Variants in DIAPH3 observed in about 807,000 individuals in gnomAD.
DIAPH3 encodes the protein diaphanous related formin 3.
DIAPH3 carries 117 observed loss-of-function variants against 144.3 expected under a neutral mutation model. That is an observed-to-expected ratio of 0.81 (90% CI 0.70 to 0.95). The LOEUF (loss-of-function observed/expected upper bound fraction) is 0.95. DIAPH3 is among the 40% of genes least tolerant of loss of function. The pLI is 0.00. For synonymous variants in DIAPH3, 519 were observed against 488.9 expected, an observed-to-expected ratio of 1.06 and a Z score of -0.81; for missense variants, 1,421 against 1,412.7, an observed-to-expected ratio of 1.01 and a Z score of -0.09.
chr13:60,024,530 A>G (rs911122365), intron 5 of DIAPH3, among the ~76,000 whole-genome samples: 1 of 151,984 alleles, frequency 6.6e-6, no homozygotes, highest in Non-Finnish European at 1.5e-5. Context: ...CTATTTGCCT[A>G]TTGTAACACT....
At chr13:59,755,694 T>A (rs777881710) in intron 27 of DIAPH3, among the ~76,000 whole-genome samples, 14 of 151,592 alleles carry the variant, frequency 9.2e-5, no homozygotes, top group Admixed American at 7.2e-4. Context: ...ACAAAGAGAG[T>A]TTCAAAAAAA....
chr13:59,938,445 C>CA (rs933186403), intron 17 of DIAPH3, among the ~76,000 whole-genome samples: 5 of 151,886 alleles, frequency 3.3e-5, no homozygotes, highest in African/African-American at 9.7e-5. Context: ...CTCATCTCCA[C>CA]AAAAAACGTA....
intron 17 of DIAPH3, among the ~76,000 whole-genome samples, chr13:59,947,652 G>A (rs1043700943): frequency 6.6e-6 from 1 of 151,774 alleles, no homozygotes; most frequent in African/African-American, 2.4e-5. Flanking sequence ...ATCATCACTT[G>A]AGCCCCGGAT....
chr13:59,991,579 T>C (rs917591912), intron 11 of DIAPH3, among the ~76,000 whole-genome samples: 4 of 151,990 alleles, frequency 2.6e-5, no homozygotes, highest in Admixed American at 2.0e-4. Context: ...ATTCTAAAGG[T>C]TGCCTGACCA....
At chr13:60,028,875 A>G (rs1402668755) in intron 5 of DIAPH3, among the ~76,000 whole-genome samples, 1 of 152,100 alleles carries the variant, frequency 6.6e-6, no homozygotes, top group African/African-American at 2.4e-5. Flanking sequence ...CCTGGCCAAC[A>G]TGGTGAAACC....
chr13:59,794,247 C>T (rs1391992683), intron 25 of DIAPH3, among the ~76,000 whole-genome samples: 1 of 152,006 alleles, frequency 6.6e-6, no homozygotes, highest in African/African-American at 2.4e-5. Flanking sequence ...GGACATAACC[C>T]CATCAAAAGT....
chr13:60,070,110 A>T (rs1161089713), intron 4 of DIAPH3, among the ~76,000 whole-genome samples: 1 of 152,144 alleles, frequency 6.6e-6, no homozygotes, highest in Non-Finnish European at 1.5e-5. Flanking sequence ...CCTATTCACG[A>T]GCATGGGATA....
chr13:59,709,821 A>G (rs1319314011), intron 27 of DIAPH3, among the ~76,000 whole-genome samples: 7 of 152,062 alleles, frequency 4.6e-5, no homozygotes, highest in South Asian at 2.1e-4. Context: ...CATTATTCAC[A>G]ATAGCAAAGA....
At chr13:60,047,283 C>T (rs1287663855) in intron 4 of DIAPH3, among the ~76,000 whole-genome samples, 1 of 151,120 alleles carries the variant, frequency 6.6e-6, no homozygotes, top group African/African-American at 2.4e-5. Flanking sequence ...AAAAAAAATC[C>T]ATAGATGCAA....
intron 1 of DIAPH3, among the ~76,000 whole-genome samples, chr13:60,137,015 A>C (rs2059302138): frequency 6.6e-6 from 1 of 152,202 alleles, no homozygotes; most frequent in South Asian, 2.1e-4. Context: ...GTGATATTAA[A>C]GAATATGAGG....
chr13:59,704,674 C>A (rs767613034), intron 27 of DIAPH3, among the ~76,000 whole-genome samples: 1 of 152,084 alleles, frequency 6.6e-6, no homozygotes, highest in Non-Finnish European at 1.5e-5. Context: ...GTGTTATAAT[C>A]GGCTACAGTA....
At chr13:59,751,025 G>T (rs572837563) in intron 27 of DIAPH3, among the ~76,000 whole-genome samples, 1 of 152,224 alleles carries the variant, frequency 6.6e-6, no homozygotes, top group Non-Finnish European at 1.5e-5. Flanking sequence ...CAGAGCAGCC[G>T]GTTGCCTTCA....
chr13:60,045,558 T>C (rs2056012653), intron 4 of DIAPH3, among the ~76,000 whole-genome samples: 1 of 152,176 alleles, frequency 6.6e-6, no homozygotes, highest in African/African-American at 2.4e-5. Flanking sequence ...CTACAGACTA[T>C]TGCATTACTT....
intron 18 of DIAPH3, among the ~76,000 whole-genome samples, chr13:59,918,690 C>A (rs2047360771): frequency 6.6e-6 from 1 of 152,074 alleles, no homozygotes; most frequent in South Asian, 2.1e-4. Flanking sequence ...TACTCAAAAA[C>A]CCTAGACAGA....
intron 21 of DIAPH3, among the ~76,000 whole-genome samples, chr13:59,872,975 C>T (rs1566446529): frequency 6.6e-6 from 1 of 152,138 alleles, no homozygotes; most frequent in Non-Finnish European, 1.5e-5. Flanking sequence ...CATTTAACAG[C>T]AATTGAATAA....
At position 59,861,446 on chromosome 13, in the gene DIAPH3, A is replaced by C. The variant is rs757481645; in HGVS notation, c.2698T>G (p.Phe900Val). Reference sequence around the variant, plus strand: ...TCTAAAGGTTCCAAATCATCCACAAAATTCAGTATATCAGGGTACTTCTCT... The same window carrying C: ...TCTAAAGGTTCCAAATCATCCACAACATTCAGTATATCAGGGTACTTCTCT... ...CEEKYPDILN[F>V]VDDLEPLDKA... Residue 900 changes from phenylalanine to valine, a missense_variant, in exon 22 of 28, where the codon TTT becomes GTT. Physicochemically the swap from Phe to Val is conservative, Grantham distance 50. Transcript: ENST00000400324. 6.2e-7 allele frequency: 1 copy of C among 1,613,810 alleles called. No individual in the cohort carries two copies. Among genetic ancestry groups the C allele is most frequent in the East Asian group, 2.2e-5 (1 of 44,782 alleles).
chr13:59,737,547 GAT>G (rs1191950709), intron 27 of DIAPH3, among the ~76,000 whole-genome samples: 3 of 152,112 alleles, frequency 2.0e-5, no homozygotes, highest in Non-Finnish European at 4.4e-5. Context: ...GTATAAAAAA[GAT>G]AGTATCATAG....
rs1458859396 is a variant in DIAPH3, at chr13:60,000,405, T to C, written c.1015-7822A>G. Among the ~76,000 whole-genome samples, 5 of 151,910 alleles carry C rather than the reference T, an allele frequency of 3.3e-5. No homozygotes were observed. In the East Asian group the frequency reaches 9.7e-4, roughly 29 times the overall value. ...AAAATGGTAAATTTCATGTTATATA[T>C]ATCCTACCACAATAGGAAAAAAAAA... On this transcript the variant is annotated intron_variant, in intron 9 of 27. Coordinates refer to ENST00000400324, the MANE Select transcript of DIAPH3 (RefSeq NM_001042517.2).
rs373421558 is a variant in DIAPH3, at chr13:60,132,971, G to C, written c.199C>G (p.Leu67Val). The C allele has an allele frequency of 8.3e-5, 134 of 1,606,918 alleles. No individual in the cohort carries two copies. Among genetic ancestry groups the C allele is most frequent in the Non-Finnish European group, 1.1e-4 (127 of 1,174,626 alleles). ...RPKFHLNIRT[L>V]TDDMLDKFAS... Reference sequence around the variant, plus strand: ...GATAATCTTACCATATCATCCGTCAGTGTCCTAATATTTAAATGCTGCAAA... The same window carrying C: ...GATAATCTTACCATATCATCCGTCACTGTCCTAATATTTAAATGCTGCAAA... Residue 67 changes from leucine (L) to valine (V), a missense_variant, in exon 2 of 28, where the codon CTG becomes GTG. Physicochemically the swap from Leu to Val is conservative, Grantham distance 32 (BLOSUM62 1). Transcript: ENST00000400324.
Sources: gnomAD v4.1 joint callset for allele counts (sites outside exome capture counted in the v4.1 genomes callset) on GRCh38, gnomAD v4.1.1 for gene constraint, MANE v1.5 for transcripts, NCBI Gene and HGNC (gene_info 2026-07-23, HGNC 2026-07-21) for gene names.